Variants in EPPK1 observed in about 807,000 individuals in gnomAD.
The protein encoded by EPPK1 is epiplakin 1.
For missense variants in EPPK1, 3,823 were observed against 3,673.3 expected (o/e 1.04, Z -1.05); for synonymous variants, 1,862 against 1,721.2 (o/e 1.08, Z -2.03).
Position 143,872,689 on chromosome 8 carries a change from A to G in EPPK1, c.565T>C (p.Ser189Pro), listed in dbSNP as rs782423380. The G allele has an allele frequency of 6.2e-7, 1 of 1,604,892 alleles. No individual in the cohort carries two copies. Among genetic ancestry groups the G allele is most frequent in the East Asian group, 2.2e-5 (1 of 44,778 alleles). ...LLDRETWHKL[S>P]ELEPGTGDLR... is the part of the protein sequence containing the mutation. ...TCACCTGTGCCAGGCTCAAGCTCTGACAGCTTGTGCCATGTCTCCCGGTCC... is the reference window on the plus strand; with the variant it reads ...TCACCTGTGCCAGGCTCAAGCTCTGGCAGCTTGTGCCATGTCTCCCGGTCC... Residue 189 changes from serine to proline, a missense_variant, in exon 2 of 2, where the codon TCA becomes CCA. Coordinates refer to ENST00000615648, the MANE Select transcript of EPPK1 (RefSeq NM_031308.4).
Position 143,870,997 on chromosome 8 carries a change from G to C in EPPK1, c.2257C>G (p.Leu753Val), listed in dbSNP as rs782731873. The change falls in exon 2 of 2, where the codon CTG becomes GTG. Residue 753 changes from leucine to valine, a missense_variant. Leu to Val is a conservative substitution (Grantham distance 32, BLOSUM62 1). Transcript: ENST00000615648. The surrounding 1 kb of genome is among the most constrained non-coding windows in gnomAD (Gnocchi z 5.2). ...GAAGGGTCCAACAGGATCAAGTTCA[G>C]CATCTGATCGAAGTAGCCGCGCCGG... ...AYRRGYFDQM[L>V]NLILLDPSDD... 9 of 1,613,242 alleles carry C rather than the reference G, an allele frequency of 5.6e-6. No homozygotes were observed. In the East Asian group the frequency reaches 1.8e-4, roughly 32 times the overall value.
intron 1 of EPPK1, among the ~76,000 whole-genome samples, chr8:143,874,619 C>T (rs1297397427): frequency 1.3e-5 from 2 of 152,198 alleles, no homozygotes; most frequent in East Asian, 1.9e-4. Context: ...TCCTCGCCTT[C>T]CGGCTTCTGG....
chr8:143,867,008 C>G lies in EPPK1; in HGVS notation c.6246G>C (p.Leu2082=), dbSNP rs992722786. 2.5e-6 allele frequency: 4 copies of G among 1,612,760 alleles called. No homozygotes were observed. Among genetic ancestry groups the G allele is most frequent in the African/African-American group, 1.3e-5 (1 of 74,932 alleles). The part of the protein sequence containing the change: ...CRPQEDTGWL[L]FPVNKAARDS... ...CCCGTGCAGCCTTGTTCACTGGGAACAGCAGCCAGCCCGTGTCCTCTTGTG... is the reference window on the plus strand; with the variant it reads ...CCCGTGCAGCCTTGTTCACTGGGAAGAGCAGCCAGCCCGTGTCCTCTTGTG... Residue 2082 remains leucine, a synonymous_variant, in exon 2 of 2, where the codon CTG becomes CTC. Transcript: ENST00000615648.
chr8:143,870,619 T>C lies in EPPK1; in HGVS notation c.2635A>G (p.Met879Val). The change falls in exon 2 of 2, where the codon ATG becomes GTG. Residue 879 changes from methionine to valine, a missense_variant. Physicochemically the swap from Met to Val is conservative, Grantham distance 21. Transcript: ENST00000615648. The surrounding 1 kb of genome is among the most constrained non-coding windows in gnomAD (Gnocchi z 5.2). ...ACCCGGCTCCGCAGTGCGGGCAGCATGATGTCCGCCTGTCTCTGCGTCTCC... is the reference window on the plus strand; with the variant it reads ...ACCCGGCTCCGCAGTGCGGGCAGCACGATGTCCGCCTGTCTCTGCGTCTCC... Reference protein sequence around the residue: ...EAETQRQADIMLPALRSRVTV... With the variant: ...EAETQRQADIVLPALRSRVTV... The C allele has an allele frequency of 6.2e-7, 1 of 1,606,866 alleles. No homozygotes were observed. Among genetic ancestry groups the C allele is most frequent in the South Asian group, 1.1e-5 (1 of 90,070 alleles).
chr8:143,878,940 C>G (rs543940452), upstream of EPPK1, among the ~76,000 whole-genome samples: 3 of 152,140 alleles, frequency 2.0e-5, no homozygotes, highest in Non-Finnish European at 2.9e-5. Flanking sequence ...CCCCCTGCCC[C>G]CATGACGTTG....
At position 143,868,561 on chromosome 8, in the gene EPPK1, G is replaced by T; in HGVS notation, c.4693C>A (p.Arg1565=). 1 of 1,603,464 alleles carries T rather than the reference G, an allele frequency of 6.2e-7. No individual in the cohort carries two copies. Among genetic ancestry groups the T allele is most frequent in the Non-Finnish European group, 8.5e-7 (1 of 1,175,776 alleles). The stretch of plus-strand genomic sequence containing the variant: ...ATGAAGTTGCCTCCCTCCAGGGACC[G>T]CTTCACGCTGTCCATCTCCGCCACC... The part of the protein sequence containing the change: ...KEVAEMDSVK[R]SLEGGNFIAG... The change falls in exon 2 of 2, where the codon CGG becomes AGG. Residue 1565 remains arginine (R), a synonymous_variant. Transcript: ENST00000615648.
Position 143,869,861 on chromosome 8 carries a change from G to T in EPPK1, c.3393C>A (p.Ser1131Arg). ...CCTTGGCCCCCGGCACGGCCTGCAGGCTCCTCTGGACCTGCTCCTCGGTGG... is the reference window on the plus strand; with the variant it reads ...CCTTGGCCCCCGGCACGGCCTGCAGTCTCCTCTGGACCTGCTCCTCGGTGG... ...ALPTEEQVQR[S>R]LQAVPGAKDG... The change falls in exon 2 of 2, where the codon AGC (serine) becomes AGA (arginine). Residue 1131 changes from serine (S) to arginine (R), a missense_variant. Ser to Arg is a moderately radical substitution (Grantham distance 110). Transcript: ENST00000615648. 3 of 1,602,646 alleles carry T rather than the reference G, an allele frequency of 1.9e-6. No homozygotes were observed. Among genetic ancestry groups the T allele is most frequent in the Non-Finnish European group, 1.7e-6 (2 of 1,175,334 alleles).
chr8:143,871,196 G>T lies in EPPK1; in HGVS notation c.2058C>A (p.Arg686=), dbSNP rs370777395. The change falls in exon 2 of 2, where the codon CGC becomes CGA. Residue 686 remains arginine, a synonymous_variant. Transcript: ENST00000615648. The stretch of plus-strand genomic sequence containing the variant: ...AGGGGTCAGTGTAGCCAGTGACAGC[G>T]CGCTCAGCCGACAGCAGCTTCGCGA... ...DVFAKLLSAE[R]AVTGYTDPYT... is the part of the protein sequence containing the mutation. 4.2e-5 allele frequency: 68 copies of T among 1,613,206 alleles called. No individual in the cohort carries two copies. Among genetic ancestry groups the T allele is most frequent in the Non-Finnish European group, 5.8e-5 (68 of 1,180,012 alleles).
At position 143,865,928 on chromosome 8, in the gene EPPK1, TGGCGTCACGCG is replaced by T; in HGVS notation, c.7315_7325del (p.Val2440LeufsTer199). The stretch of plus-strand genomic sequence containing the variant: ...TCTGGCCCTGGAGGGCGCCCGAGCC[TGGCGTCACGCG>T]GGCGTCGCGCAGGGCACAGCGCAGC... On this transcript the variant is annotated frameshift_variant, in exon 2 of 2. Coordinates refer to ENST00000615648, the MANE Select transcript of EPPK1 (RefSeq NM_031308.4). LOFTEE classifies it low-confidence loss of function (END_TRUNC). The T allele has an allele frequency of 5.1e-5, 2 of 38,842 alleles. No homozygotes were observed. The highest frequency in any genetic ancestry group is 3.1e-4 in the Admixed American group (1 of 3,220). The allele number at this position is 38,842 out of a possible 1,614,324, so 2.4% of individuals were successfully genotyped here.
rs1335637347 is a variant in EPPK1 at position 143,866,818 on chromosome 8, G to C, written c.6436C>G (p.His2146Asp). The C allele has an allele frequency of 6.2e-7, 1 of 1,613,302 alleles. No homozygotes were observed. Among genetic ancestry groups the C allele is most frequent in the Non-Finnish European group, 8.5e-7 (1 of 1,179,862 alleles). ...KLQLVRMYRT[H>D]TRRALQTVAQ... The stretch of plus-strand genomic sequence containing the variant: ...ACCGTCTGCAGTGCCCGTCTGGTGT[G>C]TGTTCTATACATCCTCACCAGCTGG... The change falls in exon 2 of 2, where the codon CAC becomes GAC. Residue 2146 changes from histidine (H) to aspartate (D), a missense_variant. His to Asp is a moderately conservative substitution (Grantham distance 81, BLOSUM62 -1). Transcript: ENST00000615648.
rs1554660464 is a variant in EPPK1 at position 143,869,680 on chromosome 8, C to T, written c.3574G>A (p.Ala1192Thr). 6.3e-6 allele frequency: 10 copies of T among 1,596,268 alleles called. No homozygotes were observed. Among genetic ancestry groups the T allele is most frequent in the African/African-American group, 1.3e-5 (1 of 74,540 alleles). The change falls in exon 2 of 2, where the codon GCC becomes ACC. Residue 1192 changes from alanine (A) to threonine (T), a missense_variant. Physicochemically the swap from Ala to Thr is moderately conservative, Grantham distance 58. Coordinates refer to ENST00000615648, the MANE Select transcript of EPPK1 (RefSeq NM_031308.4). ...WVQETKLLAQ[A>T]RVMVPGPRGE... ...CGTGGGCCGGGCACCATGACGCGGG[C>T]CTGGGCCAGGAGCTTGGTCTCCTGT...
Position 143,867,707 on chromosome 8 carries a change from G to A in EPPK1, c.5547C>T (p.Ala1849=). The change falls in exon 2 of 2, where the codon GCC becomes GCT. Residue 1849 remains alanine, a synonymous_variant. Coordinates refer to ENST00000615648, the MANE Select transcript of EPPK1 (RefSeq NM_031308.4). ...ETQNQGIKVA[A]IRGEVTAADL... ...CTGCAGCTGTCACCTCCCCTCTGATGGCCGCCACTTTGATGCCTTGGTTTT... is the reference window on the plus strand; with the variant it reads ...CTGCAGCTGTCACCTCCCCTCTGATAGCCGCCACTTTGATGCCTTGGTTTT... 1.2e-6 allele frequency: 2 copies of A among 1,613,668 alleles called. No homozygotes were observed.
Position 143,866,915 on chromosome 8 carries a change from TC to T in EPPK1, c.6338del (p.Gly2113GlufsTer14). 1 of 1,613,040 alleles carries T rather than the reference TC, an allele frequency of 6.2e-7. No homozygotes were observed. The highest frequency in any genetic ancestry group is 8.5e-7 in the Non-Finnish European group (1 of 1,179,870). Reference protein sequence around the residue: ...LEAEQVEITVGRFRGQKPTLW... With the variant: ...LEAEQVEITVXRFRGQKPTLW... The stretch of plus-strand genomic sequence containing the variant: ...GTGTTGGTTTCTGGCCTCTGAACCT[TC>T]CCACTGTGATTTCCACTTGCTCTGC... On this transcript the variant is annotated frameshift_variant, in exon 2 of 2. Transcript: ENST00000615648. LOFTEE classifies it low-confidence loss of function (END_TRUNC).
At chr8:143,878,736 T>G (rs538922439), upstream of EPPK1, among the ~76,000 whole-genome samples, 30 of 151,476 alleles carry the variant, frequency 2.0e-4, no homozygotes, top group Non-Finnish European at 2.9e-4. Flanking sequence ...TTTTTTTTTT[T>G]GGGAAAGGAG....
chr8:143,868,605 C>G lies in EPPK1; in HGVS notation c.4649G>C (p.Gly1550Ala), dbSNP rs868984315. The change falls in exon 2 of 2, where the codon GGG becomes GCG. Residue 1550 changes from glycine to alanine, a missense_variant. Gly to Ala is a moderately conservative substitution (Grantham distance 60). Transcript: ENST00000615648. ...SRKTLDELSQ[G>A]TTTVKEVAEM... is the part of the protein sequence containing the mutation. Reference sequence around the variant, plus strand: ...CGCCACCTCCTTCACAGTCGTTGTCCCCTGGCTCAGCTCGTCCAGCGTCTT... The same window carrying G: ...CGCCACCTCCTTCACAGTCGTTGTCGCCTGGCTCAGCTCGTCCAGCGTCTT... 1.2e-6 allele frequency: 2 copies of G among 1,603,092 alleles called. No homozygotes were observed. Among genetic ancestry groups the G allele is most frequent in the Admixed American group, 1.7e-5 (1 of 58,700 alleles).
chr8:143,857,913 AAAAAAAC>A lies in EPPK1; in HGVS notation c.*67_*73del. 1.2e-6 allele frequency: 1 copy of A among 836,832 alleles called. No individual in the cohort carries two copies. The highest frequency in any genetic ancestry group is 1.7e-6 in the Non-Finnish European group (1 of 589,176). The allele number at this position is 836,832 out of a possible 1,614,324, so 51.8% of individuals were successfully genotyped here. ...AAGAATGACAAAAAAAAAAAAAAAAAAAAAAACAACCCAGACACACAAGTATGCCTCC... is the reference window on the plus strand; with the variant it reads ...AAGAATGACAAAAAAAAAAAAAAAAAAACCCAGACACACAAGTATGCCTCC... On this transcript the variant is annotated 3_prime_UTR_variant, in exon 2 of 2. Coordinates refer to ENST00000615648, the MANE Select transcript of EPPK1 (RefSeq NM_031308.4).
Position 143,871,744 on chromosome 8 carries a change from G to A in EPPK1, c.1510C>T (p.Arg504Trp), listed in dbSNP as rs187335528. The part of the protein sequence containing the change: ...ATATVSVGKF[R>W]GRPVSLWELL... ...TCCCAGAGGGACACGGGCCGGCCCC[G>A]GAACTTCCCCACAGAGACGGTGGCT... The change falls in exon 2 of 2, where the codon CGG (arginine) becomes TGG (tryptophan). Residue 504 changes from arginine to tryptophan, a missense_variant. Coordinates refer to ENST00000615648, the MANE Select transcript of EPPK1 (RefSeq NM_031308.4). 5.2e-4 allele frequency: 839 copies of A among 1,610,162 alleles called. 8 individuals are homozygous for A. The East Asian group carries it at 0.015, about 28-fold the overall frequency.
Position 143,866,591 on chromosome 8 carries a change from C to A in EPPK1, c.6663G>T (p.Glu2221Asp). The stretch of plus-strand genomic sequence containing the variant: ...GGACGCCCGCGATGCAGCTGGTGCC[C>A]TCCAGGTAGCGCTTGACGCGGTCGT... ...MEDDRVKRYL[E>D]GTSCIAGVLV... is the part of the protein sequence containing the mutation. The change falls in exon 2 of 2, where the codon GAG becomes GAT. Residue 2221 changes from glutamate (E) to aspartate (D), a missense_variant. Physicochemically the swap from Glu to Asp is conservative, Grantham distance 45. Coordinates refer to ENST00000615648, the MANE Select transcript of EPPK1 (RefSeq NM_031308.4). The A allele has an allele frequency of 6.2e-7, 1 of 1,612,560 alleles. No homozygotes were observed. Among genetic ancestry groups the A allele is most frequent in the Non-Finnish European group, 8.5e-7 (1 of 1,179,790 alleles).
At chr8:143,878,393 T>TGCCCGCACCCGCCGCACCCGCCGCACCC (rs1819526333) in intron 1 of EPPK1, 45 bp downstream of exon 1, 6 of 24,564 alleles carry the variant, frequency 2.4e-4, no homozygotes, top group African/African-American at 5.9e-4. Context: ...CCGCCGCACC[T>TGCCCGCACCCGCCGCACCCGCCGCACCC]GCCCGCACCC....
Sources: gnomAD v4.1 joint callset for allele counts (sites outside exome capture counted in the v4.1 genomes callset) on GRCh38, gnomAD v4.1.1 for gene constraint, Gnocchi (gnomAD v3.1) non-coding constraint, MANE v1.5 for transcripts, NCBI Gene and HGNC (gene_info 2026-07-23, HGNC 2026-07-21) for gene names.